DSG4: variants seen among roughly 807,000 people sequenced by gnomAD.
DSG4 encodes desmoglein-4.
In DSG4, 87 loss-of-function variants were observed where a neutral mutation model predicts 93.1. The observed-to-expected ratio is 0.93, with a 90% CI of 0.79 to 1.12. The LOEUF (loss-of-function observed/expected upper bound fraction) is 1.12. DSG4 is among the 50% of genes most tolerant of loss of function. The probability of loss-of-function intolerance (pLI) is 0.00; values close to 1 mark genes in which losing one functional copy is unlikely to be tolerated. For missense variants in DSG4, 1,373 were observed against 1,285.7 expected, an observed-to-expected ratio of 1.07 and a Z score of -1.04; for synonymous variants, 432 against 452.9, an observed-to-expected ratio of 0.95 and a Z score of 0.59.
intron 12 of DSG4, among the ~76,000 whole-genome samples, chr18:31,407,760 C>T (rs2072443583): frequency 1.3e-5 from 2 of 152,210 alleles, no homozygotes; most frequent in South Asian, 4.1e-4. Flanking sequence ...ATATTAGACA[C>T]ATTTTCCCAG....
rs1417610408 is a variant in DSG4, at chr18:31,376,781, A to T, written c.-131A>T. The T allele has an allele frequency of 3.2e-6, 3 of 946,040 alleles. No homozygotes were observed. The South Asian group carries it at 4.1e-5, about 13-fold the overall frequency. 58.6% of individuals were successfully genotyped at this position (946,040 alleles called of 1,614,324 possible). ...TTCATCTCTCTGCCCAGAGATCACC[A>T]CAGTTATCACCCATGCCCTCCTAAA... On this transcript the variant is annotated 5_prime_UTR_variant, in exon 1 of 16. Transcript: ENST00000308128.
intron 8 of DSG4, among the ~76,000 whole-genome samples, chr18:31,393,819 T>G (rs1568065554): frequency 1.3e-5 from 2 of 152,338 alleles, no homozygotes; most frequent in South Asian, 4.1e-4. Flanking sequence ...ATTTTAGTAT[T>G]ACTACTTTAC....
rs1427388934 is a variant in DSG4 at position 31,400,878 on chromosome 18, CAGAT to C, written c.1278-1_1280del. The C allele has an allele frequency of 6.2e-7, 1 of 1,611,408 alleles. No individual in the cohort carries two copies. Among genetic ancestry groups the C allele is most frequent in the Admixed American group, 1.7e-5 (1 of 59,862 alleles). On this transcript the variant is annotated splice_acceptor_variant and coding_sequence_variant, in exon 10 of 16. Transcript: ENST00000308128. LOFTEE classifies it high-confidence loss of function. ...GATAACGAACTTTTTTATTTAAAAA[CAGAT>C]ATATCATAGGGCATGATGCAGGCAG...
At chr18:31,385,387 A>T (rs1029830042) in intron 2 of DSG4, among the ~76,000 whole-genome samples, 1 of 152,222 alleles carries the variant, frequency 6.6e-6, no homozygotes, top group Non-Finnish European at 1.5e-5. Flanking sequence ...GTGTCTTAGT[A>T]ACTCCTGTTT....
Position 31,403,598 on chromosome 18 carries a change from G to A in DSG4, c.1600G>A (p.Gly534Arg). The A allele has an allele frequency of 1.2e-6, 2 of 1,614,020 alleles. No individual in the cohort carries two copies. Among genetic ancestry groups the A allele is most frequent in the Middle Eastern group, 1.6e-4 (1 of 6,062 alleles). The change falls in exon 11 of 16, where the codon GGA becomes AGA. Residue 534 changes from glycine to arginine, a missense_variant. Transcript: ENST00000308128. The stretch of plus-strand genomic sequence containing the variant: ...TTTCTGTGTTGTTGATGAGCCACCA[G>A]GAATAGCTGACATGTGGGATGTCAG... ...FTFCVVDEPP[G>R]IADMWDVRST...
chr18:31,399,039 A>G (rs534431346), intron 8 of DSG4, among the ~76,000 whole-genome samples: 23 of 152,322 alleles, frequency 1.5e-4, no homozygotes, highest in African/African-American at 5.3e-4. Context: ...TTTTATTCCA[A>G]TTTAAAATCA....
At chr18:31,395,255 A>T (rs1431075319) in intron 8 of DSG4, among the ~76,000 whole-genome samples, 2 of 151,130 alleles carry the variant, frequency 1.3e-5, no homozygotes, top group African/African-American at 2.4e-5. Flanking sequence ...ACTTTTTTAA[A>T]GATATACTTA....
At chr18:31,378,118 A>C (rs1181997689) in intron 1 of DSG4, among the ~76,000 whole-genome samples, 1 of 152,250 alleles carries the variant, frequency 6.6e-6, no homozygotes, top group Non-Finnish European at 1.5e-5. Context: ...GGAACGTGAC[A>C]ACAGTGGTAG....
Position 31,406,246 on chromosome 18 carries a change from C to T in DSG4, c.1806C>T (p.Gly602=), listed in dbSNP as rs2072425111. ...NHMCLDSGAA[G]IYTEDITGDT... is the part of the protein sequence containing the mutation. The stretch of plus-strand genomic sequence containing the variant: ...TGTGCCTGGACTCTGGTGCCGCGGG[C>T]ATCTACACAGAGGACATAACTGGTG... Residue 602 remains glycine, a synonymous_variant, in exon 12 of 16, where the codon GGC becomes GGT. Transcript: ENST00000308128. The T allele has an allele frequency of 6.2e-7, 1 of 1,612,472 alleles. No individual in the cohort carries two copies.
Position 31,403,397 on chromosome 18 carries a change from A to G in DSG4, c.1418-19A>G, listed in dbSNP as rs762755502. The G allele has an allele frequency of 3.8e-6, 6 of 1,598,878 alleles. No individual in the cohort carries two copies. In the East Asian group the frequency reaches 6.7e-5, roughly 18 times the overall value. On this transcript the variant is annotated intron_variant, in intron 10 of 15. Transcript: ENST00000308128. The stretch of plus-strand genomic sequence containing the variant: ...CCTAACACCATTTACCTCAACACCA[A>G]TGACCCTTACTCTTTCAGATGGCTC...
chr18:31,379,122 A>G (rs1161483614), intron 1 of DSG4, among the ~76,000 whole-genome samples: 3 of 152,138 alleles, frequency 2.0e-5, no homozygotes, highest in African/African-American at 7.2e-5. Context: ...TTTTCTTCCT[A>G]AGGATGCTTA....
At chr18:31,409,428 C>T (rs1400341526) in intron 12 of DSG4, 24 bp from the exon 13 acceptor site, 1 of 1,613,860 alleles carries the variant, frequency 6.2e-7, no homozygotes, top group Non-Finnish European at 8.5e-7. Flanking sequence ...TGTGTTAACT[C>T]GACATTGTCA....
At chr18:31,385,839 G>A (rs968088636) in intron 2 of DSG4, among the ~76,000 whole-genome samples, 10 of 152,256 alleles carry the variant, frequency 6.6e-5, no homozygotes, top group African/African-American at 2.2e-4. Context: ...TTCCCCCAAA[G>A]TGGTAATTAA....
In DSG4 at chr18:31,402,812, A is replaced by G. The variant is rs180801401; in HGVS notation, c.1418-604A>G. On this transcript the variant is annotated intron_variant, in intron 10 of 15. Coordinates refer to ENST00000308128, the MANE Select transcript of DSG4 (RefSeq NM_177986.5). ...TCTTTGGCCCTTTCTGATTAATTATACTATCCAAAAACTTGTTTCAAGTGG... is the reference window on the plus strand; with the variant it reads ...TCTTTGGCCCTTTCTGATTAATTATGCTATCCAAAAACTTGTTTCAAGTGG... Among the ~76,000 whole-genome samples, 8 of 152,304 alleles carry G rather than the reference A, an allele frequency of 5.3e-5. No individual in the cohort carries two copies. The East Asian group carries it at 5.8e-4, about 11-fold the overall frequency.
intron 5 of DSG4, among the ~76,000 whole-genome samples, chr18:31,389,486 C>T (rs1172323698): frequency 3.3e-5 from 5 of 152,098 alleles, no homozygotes; most frequent in African/African-American, 4.8e-5. Context: ...AAACTACATT[C>T]TATTCTCTCA....
chr18:31,376,867 C>T lies in DSG4; in HGVS notation c.-45C>T, dbSNP rs935249505. 4.3e-6 allele frequency: 7 copies of T among 1,611,292 alleles called. No homozygotes were observed. Among genetic ancestry groups the T allele is most frequent in the Non-Finnish European group, 5.1e-6 (6 of 1,177,764 alleles). On this transcript the variant is annotated 5_prime_UTR_variant, in exon 1 of 16. Transcript: ENST00000308128. The stretch of plus-strand genomic sequence containing the variant: ...ATTCGGAACTGAGAAGACGAGGGCT[C>T]AAATTGAATCTCACAGGATTTGCGT...
intron 7 of DSG4, among the ~76,000 whole-genome samples, 165 bp downstream of exon 7, chr18:31,391,377 C>T (rs530042422): frequency 6.6e-6 from 1 of 152,116 alleles, no homozygotes; most frequent in South Asian, 2.1e-4. Context: ...ACTAATATAC[C>T]TTCAAATTGT....
At position 31,381,538 on chromosome 18, in the gene DSG4, T is replaced by C. The variant is rs575640080; in HGVS notation, c.49-3598T>C. Among the ~76,000 whole-genome samples the C allele has an allele frequency of 1.3e-4, 20 of 152,326 alleles. No individual in the cohort carries two copies. The South Asian group carries it at 3.7e-3, about 28-fold the overall frequency. The stretch of plus-strand genomic sequence containing the variant: ...TACATTCTTCCTTTACATTGCCTAA[T>C]TCATCCCAATATCTTTTTTTATTTT... On this transcript the variant is annotated intron_variant, in intron 1 of 15. Transcript: ENST00000308128.
chr18:31,406,224 G>T lies in DSG4; in HGVS notation c.1784G>T (p.Cys595Phe). The T allele has an allele frequency of 6.2e-7, 1 of 1,613,314 alleles. No homozygotes were observed. The highest frequency in any genetic ancestry group is 8.5e-7 in the Non-Finnish European group (1 of 1,179,776). ...TGTGATTGCGATGACAACCACATGT[G>T]CCTGGACTCTGGTGCCGCGGGCATC... ...YACDCDDNHM[C>F]LDSGAAGIYT... is the part of the protein sequence containing the mutation. Residue 595 changes from cysteine to phenylalanine, a missense_variant, in exon 12 of 16, where the codon TGC becomes TTC. Transcript: ENST00000308128.
Sources: gnomAD v4.1 joint callset for allele counts (sites outside exome capture counted in the v4.1 genomes callset) on GRCh38, gnomAD v4.1.1 for gene constraint, MANE v1.5 for transcripts, NCBI Gene and HGNC (gene_info 2026-07-23, HGNC 2026-07-21) for gene names.